Variants in GCSAML observed in about 807,000 individuals in gnomAD.
GCSAML encodes the protein germinal center-associated signaling and motility-like protein.
GCSAML carries 9 observed loss-of-function variants against 13.0 expected under a neutral mutation model. The observed-to-expected ratio is 0.69, with a 90% CI of 0.42 to 1.21. The LOEUF (loss-of-function observed/expected upper bound fraction) is 1.21. GCSAML is among the 50% of genes most tolerant of loss of function. The pLI, the probability that GCSAML is intolerant of heterozygous loss-of-function variation, is 0.00. For synonymous variants in GCSAML, 37 were observed against 52.9 expected, an observed-to-expected ratio of 0.70 and a Z score of 1.31; for missense variants, 143 against 153.4, an observed-to-expected ratio of 0.93 and a Z score of 0.36.
At chr1:247,558,897 T>TTTAA (rs146652673) in intron 2 of GCSAML, among the ~76,000 whole-genome samples, 8,499 of 149,392 alleles carry the variant, frequency 0.057, 281 homozygotes, top group African/African-American at 0.095. Context: ...TTAAATTTTA[T>TTTAA]TTGTTACCAG....
intron 2 of GCSAML, among the ~76,000 whole-genome samples, chr1:247,536,877 C>A (rs1378294752): frequency 6.6e-6 from 1 of 151,832 alleles, no homozygotes; most frequent in Non-Finnish European, 1.5e-5. Flanking sequence ...TTTAAAAAAA[C>A]CATTGATTTT....
At chr1:247,544,870 A>C (rs1667517002), upstream of GCSAML, among the ~76,000 whole-genome samples, 1 of 152,160 alleles carries the variant, frequency 6.6e-6, no homozygotes, top group Non-Finnish European at 1.5e-5. Context: ...AAACAAAACA[A>C]AACAAAAACA....
In GCSAML at chr1:247,508,211, G is replaced by C. The variant is rs571187112; in HGVS notation, c.-263+978G>C. On this transcript the variant is annotated intron_variant, in intron 1 of 5. Coordinates refer to the GCSAML transcript ENST00000366489. ...GACTTTTTAATGATTGCCATTCTAA[G>C]TGGCATGAGATGGTATCTCATTGTG... Among the ~76,000 whole-genome samples the C allele has an allele frequency of 2.0e-5, 3 of 152,194 alleles. No individual in the cohort carries two copies. In the South Asian group the frequency reaches 6.2e-4, roughly 32 times the overall value.
In GCSAML at chr1:247,520,695, G is replaced by A. The variant is rs552573513; in HGVS notation, c.-262-6245G>A. The stretch of plus-strand genomic sequence containing the variant: ...AGCCTCAAACTCTTTAGGTTAATGC[G>A]TAGTTTTCAAATTTCTTTTCTCATG... On this transcript the variant is annotated intron_variant, in intron 1 of 5. Coordinates refer to the GCSAML transcript ENST00000366489. Among the ~76,000 whole-genome samples the A allele has an allele frequency of 5.3e-5, 8 of 152,140 alleles. No individual in the cohort carries two copies. In the East Asian group the frequency reaches 7.7e-4, roughly 15 times the overall value.
Position 247,531,457 on chromosome 1 carries a change from T to G in GCSAML, c.-148+4403T>G, listed in dbSNP as rs73148444. 29 of 1,304,006 alleles carry G rather than the reference T, an allele frequency of 2.2e-5. No individual in the cohort carries two copies. In the Admixed American group the frequency reaches 2.3e-4, roughly 11 times the overall value. 80.8% of individuals were successfully genotyped at this position (1,304,006 alleles called of 1,614,324 possible). The stretch of plus-strand genomic sequence containing the variant: ...CATCTACCTTGAGCTCAAACAATAT[T>G]AGAAGAAAAACGACATCCCAAGTGC... On this transcript the variant is annotated intron_variant, in intron 2 of 5. Transcript: ENST00000366489.
intron 2 of GCSAML, among the ~76,000 whole-genome samples, chr1:247,542,019 GAA>G (rs796271161): frequency 8.3e-6 from 1 of 120,048 alleles, no homozygotes; most frequent in African/African-American, 2.8e-5. Context: ...CAAAAAAAAA[GAA>G]AAAAAAAAAA....
chr1:247,532,667 G>T (rs149420965), intron 2 of GCSAML: 5 of 732,166 alleles, frequency 6.8e-6, no homozygotes, highest in Non-Finnish European at 1.1e-5. Flanking sequence ...TCACTGTGTT[G>T]CCCGGGCTAA....
In GCSAML at chr1:247,576,159, T is replaced by C. The variant is rs965486706; in HGVS notation, c.*1777T>C. On this transcript the variant is annotated 3_prime_UTR_variant, in exon 5 of 5. Transcript: ENST00000366488. ...ATAGCCTGAAGGTAATTTTATACAA[T>C]ATTTTAAATAATTTTATGCCTGAAA... The C allele has an allele frequency of 1.3e-5, 2 of 152,214 alleles. No individual in the cohort carries two copies. Among genetic ancestry groups the C allele is most frequent in the Non-Finnish European group, 2.9e-5 (2 of 68,036 alleles). 9.4% of individuals were successfully genotyped at this position (152,214 alleles called of 1,614,324 possible). A position where few individuals can be genotyped will look rare whatever the true frequency, so the allele number is the denominator to read the frequency against.
chr1:247,557,925 C>A (rs1256077076), intron 2 of GCSAML, among the ~76,000 whole-genome samples: 1 of 152,232 alleles, frequency 6.6e-6, no homozygotes, highest in Non-Finnish European at 1.5e-5. Context: ...ATAAACTAGT[C>A]ATCTAAACTA....
chr1:247,514,709 T>C (rs1165868334), intron 1 of GCSAML, among the ~76,000 whole-genome samples: 3 of 151,894 alleles, frequency 2.0e-5, no homozygotes, highest in Non-Finnish European at 2.9e-5. Context: ...TCCAGCACTA[T>C]TTGTTGAACA....
At chr1:247,560,493 C>T (rs1232783768) in intron 2 of GCSAML, among the ~76,000 whole-genome samples, 1 of 152,136 alleles carries the variant, frequency 6.6e-6, no homozygotes, top group East Asian at 1.9e-4. Flanking sequence ...CTTGGTTTTA[C>T]ATACATTTTC....
At chr1:247,570,103 A>G (rs1668541801) in intron 4 of GCSAML, among the ~76,000 whole-genome samples, 1 of 151,608 alleles carries the variant, frequency 6.6e-6, no homozygotes, top group Non-Finnish European at 1.5e-5. Context: ...GTCTTTCTTC[A>G]TTATTAGTCT....
At chr1:247,538,485 A>G (rs905897719) in intron 2 of GCSAML, among the ~76,000 whole-genome samples, 1 of 152,196 alleles carries the variant, frequency 6.6e-6, no homozygotes, top group African/African-American at 2.4e-5. Context: ...ACCCATTCAT[A>G]TGTTGAAACC....
At chr1:247,556,584 G>C (rs1247672754) in intron 2 of GCSAML, 118 bp downstream of exon 2, 1 of 640,462 alleles carries the variant, frequency 1.6e-6, no homozygotes, top group Non-Finnish European at 2.7e-6. Context: ...CTATAATAGA[G>C]TTCTTTGGTG....
intron 2 of GCSAML, among the ~76,000 whole-genome samples, chr1:247,558,773 T>C (rs1668032757): frequency 6.6e-6 from 1 of 152,228 alleles, no homozygotes; most frequent in Admixed American, 6.5e-5. Context: ...ACCTGTATCC[T>C]ATGTGTAATT....
chr1:247,545,484 G>A (rs1315686691), upstream of GCSAML, among the ~76,000 whole-genome samples: 3 of 152,136 alleles, frequency 2.0e-5, no homozygotes, highest in African/African-American at 7.2e-5. Flanking sequence ...AAAAGAACTG[G>A]TTGAAAACTA....
chr1:247,571,819 G>A (rs1397353571), intron 4 of GCSAML, among the ~76,000 whole-genome samples: 1 of 152,060 alleles, frequency 6.6e-6, no homozygotes, highest in African/African-American at 2.4e-5. Flanking sequence ...CATTCTCCCC[G>A]TCACTTTCAG....
intron 2 of GCSAML, among the ~76,000 whole-genome samples, chr1:247,563,006 A>ATTTTTT (rs35205676): frequency 2.2e-5 from 3 of 134,646 alleles, no homozygotes; most frequent in African/African-American, 5.5e-5. Flanking sequence ...TACCCAGCTC[A>ATTTTTT]TTTTTTTTTT....
intron 1 of GCSAML, among the ~76,000 whole-genome samples, chr1:247,517,821 C>G (rs1666265357): frequency 6.6e-6 from 1 of 152,194 alleles, no homozygotes; most frequent in Non-Finnish European, 1.5e-5. Context: ...CTAATCACTG[C>G]AGCCTGTGAA....
Sources: gnomAD v4.1 joint callset for allele counts (sites outside exome capture counted in the v4.1 genomes callset) on GRCh38, gnomAD v4.1.1 for gene constraint, MANE v1.5 for transcripts, NCBI Gene and HGNC (gene_info 2026-07-23, HGNC 2026-07-21) for gene names.